The following KCNMA1 variants were observed in gnomAD, a reference collection of about 807,000 sequenced individuals.
KCNMA1 encodes potassium calcium-activated channel subfamily M alpha 1, also known as Calcium-activated potassium channel subunit alpha-1.
KCNMA1 carries 29 observed loss-of-function variants against 140.0 expected under a neutral mutation model. The ratio of observed to expected loss-of-function variants is 0.21; its 90% CI spans 0.15 to 0.28. The LOEUF (loss-of-function observed/expected upper bound fraction) is 0.28, where lower values mean the gene tolerates loss of function less well. Among genes scored for constraint, KCNMA1 ranks in the 10% least tolerant of loss-of-function variants. The pLI is 1.00. For synonymous variants in KCNMA1, 612 were observed against 611.9 expected (o/e 1.00, Z 0.00); for missense variants, 880 against 1,602.2 (o/e 0.55, Z 7.70).
chr10:77,399,017 T>C (rs1261151208), intron 2 of KCNMA1, among the ~76,000 whole-genome samples: 1 of 152,224 alleles, frequency 6.6e-6, no homozygotes, highest in East Asian at 1.9e-4. Context: ...GGAGAGATGA[T>C]GAAGACAAGC....
intron 19 of KCNMA1, chr10:76,995,215 T>C (rs2153368702): frequency 6.1e-6 from 1 of 163,224 alleles, no homozygotes; most frequent in Admixed American, 6.1e-5. Flanking sequence ...AGAAATTAAA[T>C]GCAACTTCGA....
At chr10:77,314,995 A>G (rs982517719) in intron 2 of KCNMA1, among the ~76,000 whole-genome samples, 7 of 151,560 alleles carry the variant, frequency 4.6e-5, no homozygotes, top group African/African-American at 1.7e-4. Flanking sequence ...TACTATATAT[A>G]ATGGGATGTA....
chr10:77,075,474 A>C (rs2153719210), intron 13 of KCNMA1, among the ~76,000 whole-genome samples: 1 of 152,310 alleles, frequency 6.6e-6, no homozygotes, highest in Middle Eastern at 3.4e-3. Flanking sequence ...CCTTCATGGC[A>C]CCTTCAAACA....
At chr10:77,284,014 G>C (rs1055324821) in intron 2 of KCNMA1, among the ~76,000 whole-genome samples, 1 of 152,146 alleles carries the variant, frequency 6.6e-6, no homozygotes, top group African/African-American at 2.4e-5. Flanking sequence ...AGGAGAAAGA[G>C]AGAACAGCAT....
At chr10:77,397,419 G>C (rs996317978) in intron 2 of KCNMA1, among the ~76,000 whole-genome samples, 7 of 152,172 alleles carry the variant, frequency 4.6e-5, no homozygotes, top group African/African-American at 1.4e-4. Context: ...TTTGGTACAT[G>C]TATAATGATT....
At chr10:77,287,846 A>AGTTACTGCT (rs1426772639) in intron 2 of KCNMA1, among the ~76,000 whole-genome samples, 1 of 152,184 alleles carries the variant, frequency 6.6e-6, no homozygotes, top group Non-Finnish European at 1.5e-5. Flanking sequence ...GAGCAAACAG[A>AGTTACTGCT]GTTACTGCTG....
At chr10:77,172,836 T>C (rs2098720323) in intron 5 of KCNMA1, among the ~76,000 whole-genome samples, 1 of 152,088 alleles carries the variant, frequency 6.6e-6, no homozygotes, top group Non-Finnish European at 1.5e-5. Context: ...ATGTCCCAGA[T>C]CAAGGCGACA....
At chr10:77,226,864 T>C (rs1247198051) in intron 3 of KCNMA1, among the ~76,000 whole-genome samples, 1 of 152,190 alleles carries the variant, frequency 6.6e-6, no homozygotes, top group African/African-American at 2.4e-5. Context: ...TCTATTTTAC[T>C]AATAGCCAAA....
chr10:77,133,200 C>T (rs2097902095), intron 5 of KCNMA1, among the ~76,000 whole-genome samples: 1 of 148,200 alleles, frequency 6.7e-6, no homozygotes, highest in Non-Finnish European at 1.5e-5. Flanking sequence ...AACTTCAGCC[C>T]ATCCAATGAA....
chr10:77,158,893 T>C (rs1345645499), intron 5 of KCNMA1, among the ~76,000 whole-genome samples: 1 of 152,108 alleles, frequency 6.6e-6, no homozygotes, highest in East Asian at 1.9e-4. Context: ...TAATAAGTAA[T>C]CCTCATACTC....
At chr10:77,209,588 C>A (rs1010389289) in intron 3 of KCNMA1, among the ~76,000 whole-genome samples, 1 of 152,086 alleles carries the variant, frequency 6.6e-6, no homozygotes, top group African/African-American at 2.4e-5. Context: ...TATTGTACTA[C>A]CTTTTTTCAT....
chr10:77,533,544 G>A (rs947767720), intron 1 of KCNMA1, among the ~76,000 whole-genome samples: 8 of 152,124 alleles, frequency 5.3e-5, no homozygotes, highest in African/African-American at 1.9e-4. Context: ...CTTGAGTACA[G>A]GGACCAGTCT....
Position 76,891,725 on chromosome 10 carries a change from G to C in KCNMA1, c.3148-6C>G. 6.2e-7 allele frequency: 1 copy of C among 1,612,826 alleles called. No homozygotes were observed. The highest frequency in any genetic ancestry group is 8.5e-7 in the Non-Finnish European group (1 of 1,179,350). On this transcript the variant is annotated splice_region_variant and splice_polypyrimidine_tract_variant and intron_variant, in intron 25 of 27. Transcript: ENST00000286628. ...ATATTGTCATTGAAGTACGTCTGGG[G>C]AAGGAGAGAAAGTGAGGGAAAAGTC...
chr10:77,194,001 G>C (rs1436580515), intron 3 of KCNMA1, among the ~76,000 whole-genome samples: 2 of 152,026 alleles, frequency 1.3e-5, no homozygotes, highest in Non-Finnish European at 2.9e-5. Context: ...CTATGTGCTA[G>C]GAGGCTGATA....
chr10:77,292,709 A>C (rs2073696632), intron 2 of KCNMA1, among the ~76,000 whole-genome samples: 1 of 152,042 alleles, frequency 6.6e-6, no homozygotes, highest in African/African-American at 2.4e-5. Flanking sequence ...CACTCTTCTG[A>C]TGCTAGGGTA....
At chr10:77,564,437 T>G (rs2067437046) in intron 1 of KCNMA1, among the ~76,000 whole-genome samples, 2 of 151,980 alleles carry the variant, frequency 1.3e-5, no homozygotes, top group African/African-American at 4.8e-5. Flanking sequence ...GCCAGGTATT[T>G]TTTTTACAGG....
intron 2 of KCNMA1, among the ~76,000 whole-genome samples, chr10:77,315,912 G>T (rs1215622999): frequency 6.6e-6 from 1 of 152,130 alleles, no homozygotes; most frequent in Non-Finnish European, 1.5e-5. Context: ...TTCTCTGTGG[G>T]CAGGGACCAC....
At chr10:77,327,325 A>G (rs2084585092) in intron 2 of KCNMA1, among the ~76,000 whole-genome samples, 1 of 151,306 alleles carries the variant, frequency 6.6e-6, no homozygotes, top group South Asian at 2.1e-4. Flanking sequence ...ACTGAGCACC[A>G]TATCTTTGCT....
chr10:77,632,121 C>T (rs1366063763), intron 1 of KCNMA1, among the ~76,000 whole-genome samples: 1 of 152,152 alleles, frequency 6.6e-6, no homozygotes, highest in Non-Finnish European at 1.5e-5. Context: ...GCATTTTAAC[C>T]ACTTTCTCTA....
Sources: allele counts gnomAD v4.1 joint callset (sites outside exome capture counted in the v4.1 genomes callset), GRCh38; gene constraint gnomAD v4.1.1; transcripts MANE v1.5; gene names NCBI Gene and HGNC (gene_info 2026-07-23, HGNC 2026-07-21).